Variants in ASAP1 observed in about 807,000 individuals in gnomAD.
ASAP1 encodes arf-GAP with SH3 domain, ANK repeat and PH domain-containing protein 1.
A neutral mutation model predicts 145.2 loss-of-function variants in ASAP1; 43 were observed. The observed-to-expected ratio is 0.30, with a 90% CI of 0.23 to 0.38. The LOEUF is 0.38. Among genes scored for constraint, ASAP1 ranks in the 10% least tolerant of loss-of-function variants. ASAP1 has a pLI of 1.00. For missense variants in ASAP1, 1,018 were observed against 1,355.3 expected, an observed-to-expected ratio of 0.75 and a Z score of 3.91; for synonymous variants, 546 against 515.5, an observed-to-expected ratio of 1.06 and a Z score of -0.80.
At chr8:130,153,540 T>G (rs746990370) in intron 12 of ASAP1, among the ~76,000 whole-genome samples, 68 of 151,246 alleles carry the variant, frequency 4.5e-4, no homozygotes, top group Non-Finnish European at 8.5e-4. Flanking sequence ...TGGCTAATTT[T>G]TACATTTTTT....
chr8:130,206,945 T>C (rs1458362537), intron 5 of ASAP1, among the ~76,000 whole-genome samples: 4 of 152,168 alleles, frequency 2.6e-5, no homozygotes, highest in African/African-American at 4.8e-5. Context: ...AGACCCAGCA[T>C]TGCTTAGCAA....
intron 3 of ASAP1, among the ~76,000 whole-genome samples, chr8:130,327,535 A>C (rs1293125122): frequency 6.6e-6 from 1 of 152,090 alleles, no homozygotes; most frequent in Non-Finnish European, 1.5e-5. Flanking sequence ...CTTCATTAAG[A>C]CTCTCAGGTG....
At chr8:130,216,437 A>G (rs1003975812) in intron 4 of ASAP1, among the ~76,000 whole-genome samples, 2 of 152,244 alleles carry the variant, frequency 1.3e-5, no homozygotes, top group African/African-American at 4.8e-5. Context: ...AAAGTATATA[A>G]AAGTTTCTCA....
chr8:130,381,488 T>G (rs183665180), intron 2 of ASAP1, among the ~76,000 whole-genome samples: 102 of 152,318 alleles, frequency 6.7e-4, no homozygotes, highest in Middle Eastern at 3.4e-3. Flanking sequence ...ACTAGCCATA[T>G]TTTAAGTTCT....
intron 1 of ASAP1, among the ~76,000 whole-genome samples, chr8:130,421,223 T>C (rs1000065819): frequency 6.6e-6 from 1 of 152,090 alleles, no homozygotes; most frequent in Non-Finnish European, 1.5e-5. Context: ...GTGTCTAGAG[T>C]TGGGAGGGAC....
At chr8:130,366,886 C>CTTTTTTTTT (rs905755447) in intron 2 of ASAP1, among the ~76,000 whole-genome samples, 3 of 99,206 alleles carry the variant, frequency 3.0e-5, no homozygotes, top group South Asian at 4.4e-4. Flanking sequence ...TGCTAGATTC[C>CTTTTTTTTT]TTTTTTTTTT....
intron 2 of ASAP1, among the ~76,000 whole-genome samples, chr8:130,400,655 A>G (rs375164769): frequency 5.9e-5 from 9 of 152,042 alleles, no homozygotes; most frequent in East Asian, 3.9e-4. Flanking sequence ...GCTGGGCGTG[A>G]TGGCAGGCGC....
intron 5 of ASAP1, among the ~76,000 whole-genome samples, chr8:130,196,693 G>A (rs997862735): frequency 3.3e-5 from 5 of 152,170 alleles, no homozygotes; most frequent in African/African-American, 1.2e-4. Flanking sequence ...CTGCCCATTG[G>A]TTCTCTCTCT....
intron 3 of ASAP1, among the ~76,000 whole-genome samples, chr8:130,256,739 TTATATATATATATA>T (rs58245112): frequency 0.12 from 11,304 of 95,938 alleles, 1,028 homozygotes; most frequent in African/African-American, 0.24. Flanking sequence ...ATACACATTC[TTATATATATATATA>T]TATATATATA....
intron 3 of ASAP1, among the ~76,000 whole-genome samples, chr8:130,264,600 C>T (rs548884559): frequency 3.3e-5 from 5 of 152,294 alleles, no homozygotes; most frequent in African/African-American, 1.2e-4. Flanking sequence ...GGAACTATAA[C>T]TGTATTCTTG....
In ASAP1 at chr8:130,265,810, G is replaced by C. The variant is rs1023813303; in HGVS notation, c.187-28816C>G. On this transcript the variant is annotated intron_variant, in intron 3 of 29. Transcript: ENST00000518721. ...GGATATCATCTGGGCCTGGGAGGTC[G>C]AGGCTGAAGAGCCAAGACTGCGCCA... is the stretch of plus-strand genomic sequence containing the variant. Among the ~76,000 whole-genome samples the C allele has an allele frequency of 2.6e-5, 4 of 152,134 alleles. No individual in the cohort carries two copies. In the East Asian group the frequency reaches 7.7e-4, roughly 29 times the overall value.
intron 12 of ASAP1, among the ~76,000 whole-genome samples, chr8:130,158,969 G>C (rs1190608443): frequency 6.6e-6 from 1 of 152,048 alleles, no homozygotes; most frequent in Non-Finnish European, 1.5e-5. Flanking sequence ...CTGACCTCGT[G>C]ATCTGCCCAC....
At position 130,216,059 on chromosome 8, in the gene ASAP1, GAA is replaced by G. The variant is rs1565099117; in HGVS notation, c.260-1360_260-1359del. Reference sequence around the variant, plus strand: ...AAAAGGAAAGGAAAAGAAAGAAAAGGAAAAAGGAAAGGAAAGGGAAAAGGAAG... The same window carrying G: ...AAAAGGAAAGGAAAAGAAAGAAAAGGAAAGGAAAGGAAAGGGAAAAGGAAG... On this transcript the variant is annotated intron_variant, in intron 4 of 29. Transcript: ENST00000518721. Among the ~76,000 whole-genome samples the G allele has an allele frequency of 4.7e-5, 7 of 148,646 alleles. No homozygotes were observed. The East Asian group carries it at 5.8e-4, about 12-fold the overall frequency.
chr8:130,256,766 T>TCC, intron 3 of ASAP1, among the ~76,000 whole-genome samples: 1 of 137,016 alleles, frequency 7.3e-6, no homozygotes, highest in African/African-American at 2.7e-5. Flanking sequence ...TATATATATA[T>TCC]ATATATATAT....
chr8:130,280,478 T>C (rs1283872676), intron 3 of ASAP1, among the ~76,000 whole-genome samples: 1 of 152,242 alleles, frequency 6.6e-6, no homozygotes, highest in Non-Finnish European at 1.5e-5. Context: ...ACACACAGTC[T>C]GCCACAGTAG....
At chr8:130,372,083 G>T (rs1424465050) in intron 2 of ASAP1, among the ~76,000 whole-genome samples, 1 of 152,206 alleles carries the variant, frequency 6.6e-6, no homozygotes, top group Non-Finnish European at 1.5e-5. Flanking sequence ...GGCCTATTTT[G>T]TGGCATTATA....
At chr8:130,417,419 T>G (rs903651948) in intron 1 of ASAP1, among the ~76,000 whole-genome samples, 18 of 152,178 alleles carry the variant, frequency 1.2e-4, no homozygotes, top group African/African-American at 4.3e-4. Context: ...GTCGGGACAT[T>G]CCATTGTCAG....
At chr8:130,223,651 G>C (rs563650357) in intron 4 of ASAP1, among the ~76,000 whole-genome samples, 86 of 151,944 alleles carry the variant, frequency 5.7e-4, no homozygotes, top group African/African-American at 2.0e-3. Flanking sequence ...GTTATTAAAG[G>C]AAATAGATGA....
At chr8:130,131,603 GA>G (rs1159191172) in intron 15 of ASAP1, among the ~76,000 whole-genome samples, 4,257 of 62,726 alleles carry the variant, frequency 0.068, 66 homozygotes, top group African/African-American at 0.079. Flanking sequence ...CATGGCTACT[GA>G]AAAAAAAAAA....
Sources: gnomAD v4.1 joint callset for allele counts (sites outside exome capture counted in the v4.1 genomes callset) on GRCh38, gnomAD v4.1.1 for gene constraint, MANE v1.5 for transcripts, NCBI Gene and HGNC (gene_info 2026-07-23, HGNC 2026-07-21) for gene names.